Variants in CRB1 observed in about 807,000 individuals in gnomAD.
CRB1 encodes crumbs cell polarity complex component 1.
CRB1 carries 83 observed loss-of-function variants against 120.0 expected under a neutral mutation model. The observed-to-expected ratio is 0.69, with a 90% CI of 0.58 to 0.83. CRB1 has a LOEUF of 0.83. Among genes scored for constraint, CRB1 ranks in the 40% least tolerant of loss-of-function variants. The pLI is 0.00. For synonymous variants in CRB1, 625 were observed against 612.5 expected, an observed-to-expected ratio of 1.02 and a Z score of -0.30; for missense variants, 1,699 against 1,687.6, an observed-to-expected ratio of 1.01 and a Z score of -0.12.
intron 5 of CRB1, among the ~76,000 whole-genome samples, chr1:197,378,971 G>A (rs1183991453): frequency 6.6e-6 from 1 of 152,206 alleles, no homozygotes; most frequent in Non-Finnish European, 1.5e-5. Context: ...AGTGTAGTTA[G>A]TGACAGAGGC....
rs1660922602 is a variant in CRB1, at chr1:197,363,965, G to T, written c.1171+6952G>T. On this transcript the variant is annotated intron_variant, in intron 5 of 11. Coordinates refer to ENST00000367400, the MANE Select transcript of CRB1 (RefSeq NM_201253.3). ...CGGCGGTATTATGAGAAGCCATGCGGCCGGCGACAGAGGGAAAGCTATGAA... is the reference window on the plus strand; with the variant it reads ...CGGCGGTATTATGAGAAGCCATGCGTCCGGCGACAGAGGGAAAGCTATGAA... 21 of 1,347,892 alleles carry T rather than the reference G, an allele frequency of 1.6e-5. No individual in the cohort carries two copies. The South Asian group carries it at 2.5e-4, about 16-fold the overall frequency. The allele number at this position is 1,347,892 out of a possible 1,614,324, so 83.5% of individuals were successfully genotyped here. A position where few individuals can be genotyped will look rare whatever the true frequency, so the allele number is the denominator to read the frequency against.
the CRB1 span, among the ~76,000 whole-genome samples, chr1:197,241,988 T>C: frequency 4.6e-5 from 7 of 152,190 alleles, no homozygotes; most frequent in Non-Finnish European, 8.8e-5. Flanking sequence ...TTTGGCTCTC[T>C]GTTTGTCTCA....
chr1:197,202,967 GTGTGTGTGTGTGTGTC>G, the CRB1 span, among the ~76,000 whole-genome samples: 6 of 146,074 alleles, frequency 4.1e-5, no homozygotes, highest in Non-Finnish European at 9.4e-5. Flanking sequence ...TTTGTGGTGT[GTGTGTGTGTGTGTGTC>G]TGTGTGTGTG....
At position 197,476,735 on chromosome 1, in the gene CRB1, G is replaced by A. The variant is rs559308918; in HGVS notation, c.4006-929G>A. On this transcript the variant is annotated intron_variant, in intron 11 of 11. Coordinates refer to ENST00000367400, the MANE Select transcript of CRB1 (RefSeq NM_201253.3). ...ATTTGTAATAGATTGGTTTGGTAAC[G>A]TGGGGATGAGTCCTAGAGAAAGCTA... 1.2e-4 allele frequency among the ~76,000 whole-genome samples: 19 copies of A among 152,248 alleles called. No homozygotes were observed. In the East Asian group the frequency reaches 2.7e-3, roughly 22 times the overall value.
intron 5 of CRB1, among the ~76,000 whole-genome samples, chr1:197,396,311 AAAGAAATTACAT>A (rs1662768764): frequency 6.6e-6 from 1 of 152,180 alleles, no homozygotes; most frequent in Non-Finnish European, 1.5e-5. Flanking sequence ...AACACTGATA[AAAGAAATTACAT>A]AAGCCCAAAT....
intron 4 of CRB1, among the ~76,000 whole-genome samples, chr1:197,350,444 G>T (rs1029895487): frequency 2.0e-5 from 3 of 152,202 alleles, no homozygotes; most frequent in African/African-American, 7.2e-5. Flanking sequence ...ATGTAGGAGG[G>T]CGAGAGTTTG....
intron 1 of CRB1, among the ~76,000 whole-genome samples, chr1:197,308,911 T>C (rs1213597888): frequency 6.7e-6 from 1 of 150,180 alleles, no homozygotes; most frequent in African/African-American, 2.4e-5. Flanking sequence ...TATATGTGGG[T>C]ATATATATGT....
chr1:197,476,870 G>A (rs527982819), intron 11 of CRB1, among the ~76,000 whole-genome samples: 12 of 152,252 alleles, frequency 7.9e-5, no homozygotes, highest in African/African-American at 2.6e-4. Context: ...TAATATTTCT[G>A]TGCAACTCAG....
intron 2 of CRB1, among the ~76,000 whole-genome samples, chr1:197,343,952 A>G (rs1659616868): frequency 6.6e-6 from 1 of 152,226 alleles, no homozygotes. Flanking sequence ...GTGTTTAAAA[A>G]TAATGGAAAA....
intron 5 of CRB1, among the ~76,000 whole-genome samples, chr1:197,376,946 TTGG>T (rs1661680982): frequency 6.6e-6 from 1 of 152,196 alleles, no homozygotes; most frequent in East Asian, 1.9e-4. Flanking sequence ...TTAAAGTTAC[TTGG>T]TTAGGCCAAA....
At chr1:197,332,465 A>G (rs1257592158) in intron 2 of CRB1, among the ~76,000 whole-genome samples, 1 of 152,220 alleles carries the variant, frequency 6.6e-6, no homozygotes, top group African/African-American at 2.4e-5. Context: ...CATATATAAA[A>G]CTTTCTTGAA....
At position 197,356,978 on chromosome 1, in the gene CRB1, C is replaced by A; in HGVS notation, c.1136C>A (p.Ser379Ter). ...TCTTCTTTCAGCTACCATGAAGCCT[C>A]AGGTTATGTCTGTATCTGTCAGCCT... is the stretch of plus-strand genomic sequence containing the variant. ...LPSSFSYHEA[S>*]GYVCICQPGF... is the part of the protein sequence containing the mutation. Residue 379 changes from serine to a stop codon, truncating the protein, a stop_gained, in exon 5 of 12, where the codon TCA becomes TAA. Coordinates refer to ENST00000367400, the MANE Select transcript of CRB1 (RefSeq NM_201253.3). LOFTEE classifies it high-confidence loss of function. 6.2e-7 allele frequency: 1 copy of A among 1,614,186 alleles called. No individual in the cohort carries two copies.
At chr1:197,242,032 T>C in the CRB1 span, among the ~76,000 whole-genome samples, 1 of 152,188 alleles carries the variant, frequency 6.6e-6, no homozygotes, top group Non-Finnish European at 1.5e-5. Context: ...TTTTTGTACC[T>C]TGATTTTGTA....
chr1:197,329,359 G>A (rs1258277327), intron 2 of CRB1, among the ~76,000 whole-genome samples: 3 of 152,150 alleles, frequency 2.0e-5, no homozygotes, highest in Admixed American at 2.0e-4. Flanking sequence ...CCCAAAGCCT[G>A]GCACTGCAAC....
chr1:197,392,065 G>A (rs1049488843), intron 5 of CRB1, among the ~76,000 whole-genome samples: 8 of 151,924 alleles, frequency 5.3e-5, no homozygotes, highest in East Asian at 3.9e-4. Context: ...ACAGCATCTC[G>A]TGGTGTCTAA....
rs71131753 is a variant in CRB1 at position 197,327,091 on chromosome 1, C to CA, written c.71-1290dup. 6.3e-3 allele frequency among the ~76,000 whole-genome samples: 161 copies of CA among 25,658 alleles called. 7 individuals carry two copies. Among genetic ancestry groups the CA allele is most frequent in the African/African-American group, 7.5e-3 (38 of 5,094 alleles). 16.8% of individuals were successfully genotyped at this position (25,658 alleles called of 152,430 possible). A position where few individuals can be genotyped will look rare whatever the true frequency, so the allele number is the denominator to read the frequency against. On this transcript the variant is annotated intron_variant, in intron 1 of 11. Transcript: ENST00000367400. Reference sequence around the variant, plus strand: ...ATTTAGTGACTTAATTCTCACACACCAAAAAAAAAAAAAAAAAAAAAAAAA... The same window carrying CA: ...ATTTAGTGACTTAATTCTCACACACCAAAAAAAAAAAAAAAAAAAAAAAAAA...
chr1:197,293,639 A>G (rs748838439), intron 1 of CRB1, among the ~76,000 whole-genome samples: 20 of 152,200 alleles, frequency 1.3e-4, no homozygotes, highest in Non-Finnish European at 2.5e-4. Flanking sequence ...AGCTGAAGGC[A>G]TCATACTACC....
chr1:197,250,574 G>A, the CRB1 span, among the ~76,000 whole-genome samples: 7 of 151,878 alleles, frequency 4.6e-5, no homozygotes, highest in Admixed American at 1.3e-4. Context: ...GTTGATATAC[G>A]TTATACCAGC....
rs112482512 is a variant in CRB1 at position 197,379,062 on chromosome 1, A to T, written c.1171+22049A>T. On this transcript the variant is annotated intron_variant, in intron 5 of 11. Coordinates refer to ENST00000367400, the MANE Select transcript of CRB1 (RefSeq NM_201253.3). ...AGACAGGCATCCTTGCAAAGAAAAAAGATTCTATGTGATTAGAGTTGTTTG... is the reference window on the plus strand; with the variant it reads ...AGACAGGCATCCTTGCAAAGAAAAATGATTCTATGTGATTAGAGTTGTTTG... Among the ~76,000 whole-genome samples, 288 of 152,300 alleles carry T rather than the reference A, an allele frequency of 1.9e-3. 1 individual carries two copies. The highest frequency in any genetic ancestry group is 6.6e-3 in the African/African-American group (274 of 41,574).
Sources: gnomAD v4.1 joint callset for allele counts (sites outside exome capture counted in the v4.1 genomes callset) on GRCh38, gnomAD v4.1.1 for gene constraint, MANE v1.5 for transcripts, NCBI Gene and HGNC (gene_info 2026-07-23, HGNC 2026-07-21) for gene names.